TPCN1: variants seen among roughly 807,000 people sequenced by gnomAD.
TPCN1 encodes two pore segment channel 1.
TPCN1 carries 52 observed loss-of-function variants against 108.8 expected under a neutral mutation model. That is an observed-to-expected ratio of 0.48 (90% CI 0.38 to 0.60). TPCN1 has a LOEUF of 0.60. Ranked by LOEUF, TPCN1 falls within the 20% of genes least tolerant of loss-of-function variation. TPCN1 has a pLI of 0.00. For missense variants in TPCN1, 806 were observed against 1,072.8 expected (o/e 0.75, Z 3.47); for synonymous variants, 446 against 433.7 (o/e 1.03, Z -0.35).
At chr12:113,259,520 G>T (rs1954946283) in intron 2 of TPCN1, among the ~76,000 whole-genome samples, 1 of 152,218 alleles carries the variant, frequency 6.6e-6, no homozygotes, top group South Asian at 2.1e-4. Flanking sequence ...TTCCAGAGGT[G>T]CAGCTGGTGT....
chr12:113,267,367 C>T (rs1018466248), intron 4 of TPCN1, among the ~76,000 whole-genome samples: 2 of 151,602 alleles, frequency 1.3e-5, no homozygotes, highest in African/African-American at 4.8e-5. Context: ...TAGAACAAGA[C>T]TAGATATTAA....
At chr12:113,227,189 C>T (rs1457672490) in intron 2 of TPCN1, among the ~76,000 whole-genome samples, 1 of 152,194 alleles carries the variant, frequency 6.6e-6, no homozygotes, top group Non-Finnish European at 1.5e-5. Flanking sequence ...CCTCTTGGTG[C>T]CCTCGCTACC....
In TPCN1 at chr12:113,288,163, G is replaced by A. The variant is rs1309683969; in HGVS notation, c.1635G>A (p.Arg545=). ...GGTGACGGGTGTCCTCCTCGCTCAGGTTGTTTAAGTTGAAGGAGCGCTACC... is the reference window on the plus strand; with the variant it reads ...GGTGACGGGTGTCCTCCTCGCTCAGATTGTTTAAGTTGAAGGAGCGCTACC... ...IVVLRPLQLL[R]LFKLKERYRN... Residue 545 remains arginine (R), a splice_region_variant and synonymous_variant, in exon 20 of 28, where the codon AGG becomes AGA. Coordinates refer to ENST00000335509, the MANE Select transcript of TPCN1 (RefSeq NM_017901.6). This position sits in a 1 kb window ranked among gnomAD's most constrained non-coding sequence, Gnocchi z 4.8. The A allele has an allele frequency of 6.2e-7, 1 of 1,612,968 alleles. No individual in the cohort carries two copies. The highest frequency in any genetic ancestry group is 2.2e-5 in the East Asian group (1 of 44,864).
intron 2 of TPCN1, among the ~76,000 whole-genome samples, chr12:113,236,545 G>A (rs186506699): frequency 5.3e-5 from 8 of 152,138 alleles, no homozygotes; most frequent in African/African-American, 1.7e-4. Flanking sequence ...AAGTAAGGAG[G>A]GGGGTTGCAG....
intron 2 of TPCN1, among the ~76,000 whole-genome samples, chr12:113,242,473 C>T (rs1954183920): frequency 6.6e-6 from 1 of 152,240 alleles, no homozygotes. Context: ...GCCTTAGTTT[C>T]ACCCTCTGTA....
chr12:113,268,818 G>T lies in TPCN1; in HGVS notation c.605G>T (p.Arg202Leu), dbSNP rs758842063. Reference protein sequence around the residue: ...VRQMSHVRVTRALRCIFLVDC... With the variant: ...VRQMSHVRVTLALRCIFLVDC... ...CAGATGTCCCATGTGCGGGTGACCC[G>T]AGCACTGCGCTGCATTTTCCTGGTG... The change falls in exon 6 of 28, where the codon CGA becomes CTA. Residue 202 changes from arginine to leucine, a missense_variant. Coordinates refer to ENST00000335509, the MANE Select transcript of TPCN1 (RefSeq NM_017901.6). This position sits in a 1 kb window ranked among gnomAD's most constrained non-coding sequence, Gnocchi z 7.3. The T allele has an allele frequency of 1.2e-6, 2 of 1,614,084 alleles. No individual in the cohort carries two copies. The highest frequency in any genetic ancestry group is 1.7e-6 in the Non-Finnish European group (2 of 1,180,020).
At chr12:113,287,590 T>C (rs1278549053) in intron 19 of TPCN1, among the ~76,000 whole-genome samples, 1 of 152,202 alleles carries the variant, frequency 6.6e-6, no homozygotes, top group Non-Finnish European at 1.5e-5. Flanking sequence ...TCCTGTGCCC[T>C]CAGAGCCTGG....
In TPCN1 at chr12:113,289,394, G is replaced by A. The variant is rs1034460032; in HGVS notation, c.1796+547G>A. Among the ~76,000 whole-genome samples the A allele has an allele frequency of 6.6e-6, 1 of 152,196 alleles. No individual in the cohort carries two copies. The highest frequency in any genetic ancestry group is 1.5e-5 in the Non-Finnish European group (1 of 68,040). On this transcript the variant is annotated intron_variant, in intron 21 of 27. Coordinates refer to ENST00000335509, the MANE Select transcript of TPCN1 (RefSeq NM_017901.6). The surrounding 1 kb of genome is among the most constrained non-coding windows in gnomAD (Gnocchi z 4.1). Reference sequence around the variant, plus strand: ...TTTGGTCTTTACAGCCTCAAGCACCGATGAAGAAACAGTTTTACAAAGACA... The same window carrying A: ...TTTGGTCTTTACAGCCTCAAGCACCAATGAAGAAACAGTTTTACAAAGACA...
rs966947387 is a variant in TPCN1 at position 113,272,160 on chromosome 12, AC to A, written c.749-497del. On this transcript the variant is annotated intron_variant, in intron 7 of 27. Transcript: ENST00000335509. This position sits in a 1 kb window ranked among gnomAD's most constrained non-coding sequence, Gnocchi z 4.1. The stretch of plus-strand genomic sequence containing the variant: ...GAGGGCAGAGTTCCTCCCTTTTCCC[AC>A]TCAGGATTTCAGGGACTCAGGGAGT... Among the ~76,000 whole-genome samples, 13 of 151,710 alleles carry A rather than the reference AC, an allele frequency of 8.6e-5. No homozygotes were observed. The highest frequency in any genetic ancestry group is 3.1e-4 in the African/African-American group (13 of 41,270).
intron 7 of TPCN1, among the ~76,000 whole-genome samples, chr12:113,270,799 G>A (rs150809175): frequency 3.5e-4 from 53 of 152,164 alleles, no homozygotes; most frequent in Non-Finnish European, 5.7e-4. Context: ...CTTTTATAGG[G>A]GCACTAATCC....
Position 113,232,448 on chromosome 12 carries a change from C to T in TPCN1, c.112+5484C>T, listed in dbSNP as rs939177967. Among the ~76,000 whole-genome samples the T allele has an allele frequency of 3.3e-5, 5 of 152,256 alleles. No individual in the cohort carries two copies. Among genetic ancestry groups the T allele is most frequent in the Non-Finnish European group, 7.3e-5 (5 of 68,042 alleles). ...TAGCCAGGAGGAGTTGGGAGAGATC[C>T]TCGCCGGCTGGCACCAGAGAAGAAT... On this transcript the variant is annotated intron_variant, in intron 2 of 27. Coordinates refer to ENST00000335509, the MANE Select transcript of TPCN1 (RefSeq NM_017901.6). This position sits in a 1 kb window ranked among gnomAD's most constrained non-coding sequence, Gnocchi z 5.6.
Position 113,290,262 on chromosome 12 carries a change from AG to A in TPCN1, c.1912+24del, listed in dbSNP as rs775698772. The stretch of plus-strand genomic sequence containing the variant: ...AGCTTTGGTGAGTGGGAAAAATCAC[AG>A]GGGGCACATTCCCTGGGGACCCCAC... On this transcript the variant is annotated intron_variant, in intron 22 of 27. Coordinates refer to ENST00000335509, the MANE Select transcript of TPCN1 (RefSeq NM_017901.6). 60 of 1,524,824 alleles carry A rather than the reference AG, an allele frequency of 3.9e-5. No individual in the cohort carries two copies. Among genetic ancestry groups the A allele is most frequent in the Non-Finnish European group, 4.8e-5 (54 of 1,114,030 alleles). The allele number at this position is 1,524,824 out of a possible 1,614,324, so 94.5% of individuals were successfully genotyped here. A position where few individuals can be genotyped will look rare whatever the true frequency, so the allele number is the denominator to read the frequency against.
chr12:113,233,225 C>T (rs1359383827), intron 2 of TPCN1, among the ~76,000 whole-genome samples: 2 of 152,240 alleles, frequency 1.3e-5, no homozygotes, highest in African/African-American at 4.8e-5. Context: ...ACACAAGACG[C>T]TGCCGCTCTA....
rs1276234433 is a variant in TPCN1 at position 113,232,896 on chromosome 12, G to A, written c.112+5932G>A. ...CACAGCAGGTGGCCCCTGCCAAGCT[G>A]GGACGCCTCCGTGTAGCAGCTGGAG... On this transcript the variant is annotated intron_variant, in intron 2 of 27. Coordinates refer to ENST00000335509, the MANE Select transcript of TPCN1 (RefSeq NM_017901.6). This position sits in a 1 kb window ranked among gnomAD's most constrained non-coding sequence, Gnocchi z 5.6. 6.6e-6 allele frequency among the ~76,000 whole-genome samples: 1 copy of A among 152,174 alleles called. No homozygotes were observed. The highest frequency in any genetic ancestry group is 1.9e-4 in the East Asian group (1 of 5,194).
At chr12:113,234,430 T>C (rs1205597969) in intron 2 of TPCN1, among the ~76,000 whole-genome samples, 1 of 152,218 alleles carries the variant, frequency 6.6e-6, no homozygotes, top group Non-Finnish European at 1.5e-5. Flanking sequence ...GTGGGCTTGC[T>C]GAGGGCAGTG....
Position 113,268,929 on chromosome 12 carries a change from G to A in TPCN1, c.659+57G>A. 6.2e-7 allele frequency: 1 copy of A among 1,605,318 alleles called. No homozygotes were observed. The highest frequency in any genetic ancestry group is 8.5e-7 in the Non-Finnish European group (1 of 1,174,810). On this transcript the variant is annotated intron_variant, in intron 6 of 27. Coordinates refer to ENST00000335509, the MANE Select transcript of TPCN1 (RefSeq NM_017901.6). This position sits in a 1 kb window ranked among gnomAD's most constrained non-coding sequence, Gnocchi z 7.3. Reference sequence around the variant, plus strand: ...TATCCTGGCATGGCCTGACCTCTGGGCCAGTGGGGCAGGAGCTTGTGAGTC... The same window carrying A: ...TATCCTGGCATGGCCTGACCTCTGGACCAGTGGGGCAGGAGCTTGTGAGTC...
rs1260888165 is a variant in TPCN1, at chr12:113,268,826, C to T, written c.613C>T (p.Arg205Cys). 2 of 1,614,100 alleles carry T rather than the reference C, an allele frequency of 1.2e-6. No homozygotes were observed. Among genetic ancestry groups the T allele is most frequent in the Non-Finnish European group, 8.5e-7 (1 of 1,180,006 alleles). The change falls in exon 6 of 28, where the codon CGC (arginine) becomes TGC (cysteine). Residue 205 changes from arginine (R) to cysteine (C), a missense_variant. By Grantham distance (180) the Arg-to-Cys change is radical. Transcript: ENST00000335509. The surrounding 1 kb of genome is among the most constrained non-coding windows in gnomAD (Gnocchi z 7.3). ...MSHVRVTRAL[R>C]CIFLVDCRYC... ...CCATGTGCGGGTGACCCGAGCACTG[C>T]GCTGCATTTTCCTGGTGGACTGTCG...
chr12:113,224,221 C>G (rs1199814744), intron 1 of TPCN1, among the ~76,000 whole-genome samples: 1 of 152,100 alleles, frequency 6.6e-6, no homozygotes, highest in Admixed American at 6.6e-5. Context: ...GCTGTGGGTC[C>G]TTGGGCAGGA....
chr12:113,288,623 C>T lies in TPCN1; in HGVS notation c.1707-135C>T. The T allele has an allele frequency of 6.6e-7, 1 of 1,526,318 alleles. No individual in the cohort carries two copies. Among genetic ancestry groups the T allele is most frequent in the South Asian group, 1.2e-5 (1 of 80,374 alleles). 94.5% of individuals were successfully genotyped at this position (1,526,318 alleles called of 1,614,324 possible). A position where few individuals can be genotyped will look rare whatever the true frequency, so the allele number is the denominator to read the frequency against. Reference sequence around the variant, plus strand: ...GCTGCCCCACGAGGCCCCTTCCCCGCAGGCACTTTCCAGTTGGTGAACCGA... The same window carrying T: ...GCTGCCCCACGAGGCCCCTTCCCCGTAGGCACTTTCCAGTTGGTGAACCGA... On this transcript the variant is annotated intron_variant, in intron 20 of 27. Transcript: ENST00000335509. This position sits in a 1 kb window ranked among gnomAD's most constrained non-coding sequence, Gnocchi z 4.8.
Sources: gnomAD v4.1 joint callset for allele counts (sites outside exome capture counted in the v4.1 genomes callset) on GRCh38, gnomAD v4.1.1 for gene constraint, Gnocchi (gnomAD v3.1) non-coding constraint, MANE v1.5 for transcripts, NCBI Gene and HGNC (gene_info 2026-07-23, HGNC 2026-07-21) for gene names.